The following PCGF3 variants were observed in gnomAD, a reference collection of about 807,000 sequenced individuals.
The protein encoded by PCGF3 is polycomb group RING finger protein 3.
PCGF3 carries 7 observed loss-of-function variants against 33.1 expected under a neutral mutation model. The ratio of observed to expected loss-of-function variants is 0.21; its 90% CI spans 0.12 to 0.40. The LOEUF (loss-of-function observed/expected upper bound fraction) is 0.40. Among genes scored for constraint, PCGF3 ranks in the 10% least tolerant of loss-of-function variants. The probability of loss-of-function intolerance (pLI) is 1.00; values close to 1 mark genes in which losing one functional copy is unlikely to be tolerated. For synonymous variants in PCGF3, 153 were observed against 121.3 expected (o/e 1.26, Z -1.72); for missense variants, 211 against 313.3 (o/e 0.67, Z 2.46).
chr4:766,097 CCACA>C lies in PCGF3; in HGVS notation c.*19_*22del, dbSNP rs753224837. The C allele has an allele frequency of 6.8e-6, 11 of 1,612,426 alleles. No individual in the cohort carries two copies. In the South Asian group the frequency reaches 1.2e-4, roughly 18 times the overall value. ...TGCTGTGAATGGTGCCACACAGCGC[CCACA>C]GACTGGGCCCTCGCACCCTTGGGTG... is the stretch of plus-strand genomic sequence containing the variant. On this transcript the variant is annotated 3_prime_UTR_variant, in exon 11 of 11. Transcript: ENST00000362003.
rs781091652 is a variant in PCGF3 at position 761,935 on chromosome 4, C to T, written c.600+519C>T. ...TTTGCATGGAGACAGAAGGCGCTGG[C>T]GGCTGTGGGCAGGAGCATGGGTCTG... On this transcript the variant is annotated intron_variant, in intron 9 of 10. Coordinates refer to ENST00000362003, the Ensembl canonical transcript of PCGF3. 4.6e-5 allele frequency: 45 copies of T among 985,370 alleles called. No individual in the cohort carries two copies. In the East Asian group the frequency reaches 7.9e-4, roughly 17 times the overall value. The allele number at this position is 985,370 out of a possible 1,614,324, so 61.0% of individuals were successfully genotyped here.
chr4:712,897 A>G (rs1301301359), intron 1 of PCGF3, among the ~76,000 whole-genome samples: 1 of 152,246 alleles, frequency 6.6e-6, no homozygotes, highest in Non-Finnish European at 1.5e-5. Context: ...AAGAGGGGAA[A>G]TCTGTCTGCA....
chr4:706,243 T>TGGGACTCCAGCCC (rs1742293326), intron 1 of PCGF3, among the ~76,000 whole-genome samples: 1 of 114,072 alleles, frequency 8.8e-6, no homozygotes, highest in African/African-American at 3.3e-5. Flanking sequence ...GACTCCAGCC[T>TGGGACTCCAGCCC]AGGCAGGACG....
intron 1 of PCGF3, among the ~76,000 whole-genome samples, chr4:723,153 G>A (rs568276896): frequency 2.7e-5 from 4 of 148,122 alleles, no homozygotes; most frequent in South Asian, 2.2e-4. Flanking sequence ...ATCGCCGTCC[G>A]CGCCGGGTCC....
intron 9 of PCGF3, among the ~76,000 whole-genome samples, chr4:763,303 G>A (rs958468820): frequency 1.2e-4 from 19 of 152,268 alleles, no homozygotes; most frequent in Admixed American, 5.9e-4. Context: ...GGAAGCTGCC[G>A]GACAGTGGGG....
In PCGF3 at chr4:715,642, C is replaced by G. The variant is rs540454375; in HGVS notation, c.-190+9672C>G. ...ACCCTGTAGACACTTAGTGTGAGAA[C>G]TGGGCGTGGGTGCTGGGACCCTCTA... On this transcript the variant is annotated intron_variant, in intron 1 of 10. Coordinates refer to ENST00000362003, the Ensembl canonical transcript of PCGF3. 3.3e-3 allele frequency among the ~76,000 whole-genome samples: 316 copies of G among 94,840 alleles called. 3 individuals are homozygous for G. Among genetic ancestry groups the G allele is most frequent in the Non-Finnish European group, 5.3e-3 (252 of 47,542 alleles). 62.2% of individuals were successfully genotyped at this position (94,840 alleles called of 152,430 possible).
At chr4:715,432 G>A (rs1236047833) in intron 1 of PCGF3, among the ~76,000 whole-genome samples, 1 of 145,304 alleles carries the variant, frequency 6.9e-6, no homozygotes, top group Non-Finnish European at 1.5e-5. Flanking sequence ...ACTGGGCGTC[G>A]GTGCTGGGAC....
chr4:761,499 G>A, intron 9 of PCGF3, 83 bp downstream of exon 9: 1 of 1,453,072 alleles, frequency 6.9e-7, no homozygotes, highest in South Asian at 1.4e-5. Flanking sequence ...GCTTAGTTTT[G>A]TTTTGTTTTT....
intron 1 of PCGF3, among the ~76,000 whole-genome samples, chr4:716,611 G>A (rs1362796610): frequency 2.4e-5 from 3 of 127,344 alleles, no homozygotes; most frequent in Non-Finnish European, 3.3e-5. Flanking sequence ...GTGAGAACTG[G>A]GTGTCGGTGC....
chr4:752,389 C>T (rs144365893), intron 8 of PCGF3, among the ~76,000 whole-genome samples: 10 of 152,334 alleles, frequency 6.6e-5, no homozygotes, highest in Admixed American at 4.6e-4. Context: ...TATAAGCCAT[C>T]GGTCTGTTTA....
At chr4:707,354 A>G (rs1390234039) in intron 1 of PCGF3, among the ~76,000 whole-genome samples, 1 of 152,192 alleles carries the variant, frequency 6.6e-6, no homozygotes, top group Non-Finnish European at 1.5e-5. Context: ...GACGAGGGCC[A>G]GGACCCCATG....
At chr4:754,001 G>C (rs183386104) in intron 8 of PCGF3, among the ~76,000 whole-genome samples, 1 of 152,200 alleles carries the variant, frequency 6.6e-6, no homozygotes, top group East Asian at 1.9e-4. Flanking sequence ...GGGCGTTCTG[G>C]GTCCTGGCAG....
At chr4:722,997 C>T (rs1235411026) in intron 1 of PCGF3, among the ~76,000 whole-genome samples, 9 of 144,746 alleles carry the variant, frequency 6.2e-5, no homozygotes, top group African/African-American at 2.1e-4. Flanking sequence ...CCGTCCGTGC[C>T]GGGTCCACAT....
At chr4:729,937 C>T (rs1156376635) in intron 1 of PCGF3, among the ~76,000 whole-genome samples, 2 of 152,146 alleles carry the variant, frequency 1.3e-5, no homozygotes, top group Non-Finnish European at 2.9e-5. Context: ...ACCGAGGTTC[C>T]CGGGGAAGCA....
At chr4:736,033 A>G (rs1481155530) in intron 5 of PCGF3, among the ~76,000 whole-genome samples, 3 of 151,902 alleles carry the variant, frequency 2.0e-5, no homozygotes, top group African/African-American at 7.3e-5. Flanking sequence ...CCCTTTTATT[A>G]TTATTATTTT....
intron 8 of PCGF3, among the ~76,000 whole-genome samples, chr4:754,190 AG>A (rs1307081600): frequency 6.6e-6 from 1 of 152,182 alleles, no homozygotes; most frequent in Non-Finnish European, 1.5e-5. Flanking sequence ...TACCCTGAGC[AG>A]GCTGGGGGTT....
chr4:714,773 G>A (rs1338160154), intron 1 of PCGF3, among the ~76,000 whole-genome samples: 2 of 152,206 alleles, frequency 1.3e-5, no homozygotes, highest in Non-Finnish European at 2.9e-5. Flanking sequence ...TGCCCTGGAG[G>A]GACTCTTCTC....
At chr4:765,943 C>T (rs551072365) in intron 10 of PCGF3, 89 bp from the exon 11 acceptor site, 41 of 1,170,042 alleles carry the variant, frequency 3.5e-5, no homozygotes, top group Middle Eastern at 1.9e-4. Flanking sequence ...CCTCACGGGA[C>T]GTGATTCCTC....
intron 7 of PCGF3, 31 bp from the exon 8 acceptor site, chr4:744,569 A>G (rs772619595): frequency 6.7e-7 from 1 of 1,492,300 alleles, no homozygotes; most frequent in Non-Finnish European, 9.1e-7. Context: ...TTTGGATTTC[A>G]TGGTGCGCTA....
Sources: allele counts gnomAD v4.1 joint callset (sites outside exome capture counted in the v4.1 genomes callset), GRCh38; gene constraint gnomAD v4.1.1; transcripts MANE v1.5; gene names NCBI Gene and HGNC (gene_info 2026-07-23, HGNC 2026-07-21).